Variants in ENOX2 observed in about 807,000 individuals in gnomAD.
The protein encoded by ENOX2 is ecto-NOX disulfide-thiol exchanger 2, also known as APK1 antigen.
ENOX2 carries 36 observed loss-of-function variants against 45.0 expected under a neutral mutation model. The observed-to-expected ratio is 0.80, with a 90% CI of 0.61 to 1.06. The LOEUF (loss-of-function observed/expected upper bound fraction) is 1.06, where lower values mean the gene tolerates loss of function less well. Among genes scored for constraint, ENOX2 ranks in the 50% least tolerant of loss-of-function variants. ENOX2 has a pLI of 0.00. For synonymous variants in ENOX2, 174 were observed against 152.3 expected (o/e 1.14, Z -1.05); for missense variants, 423 against 462.5 (o/e 0.91, Z 0.78).
Position 130,670,474 on chromosome X carries a change from T to C in ENOX2, c.461-276A>G, listed in dbSNP as rs2036957227. 2.7e-5 allele frequency among the ~76,000 whole-genome samples: 3 copies of C among 110,750 alleles called. No homozygotes were observed. The South Asian group carries it at 1.2e-3, about 43-fold the overall frequency. On this transcript the variant is annotated intron_variant, in intron 6 of 14. Transcript: ENST00000394363. ...GTTAGTCTTGTTCTTAAGAGTTCCA[T>C]TCCTCCATCTAATACCTTACCTCTG... is the stretch of plus-strand genomic sequence containing the variant.
At chrX:130,809,753 G>GTGTGTGTA (rs1467639690) in intron 2 of ENOX2, among the ~76,000 whole-genome samples, 1 of 110,701 alleles carries the variant, frequency 9.0e-6, no homozygotes, top group Non-Finnish European at 1.9e-5. Context: ...TCGTGTGTGT[G>GTGTGTGTA]TGTGTGTATG....
At chrX:130,709,108 C>A in intron 3 of ENOX2, 1 of 471,403 alleles carries the variant, frequency 2.1e-6, no homozygotes, top group Non-Finnish European at 3.7e-6. Context: ...TTGTTAATTC[C>A]TTGAGGCCAG....
rs375509185 is a variant in ENOX2 at position 130,631,535 on chromosome X, G to T, written c.1461C>A (p.Ser487Arg). 24 of 1,202,726 alleles carry T rather than the reference G, an allele frequency of 2.0e-5. No homozygotes were observed. Among genetic ancestry groups the T allele is most frequent in the Non-Finnish European group, 2.5e-5 (22 of 888,945 alleles). Residue 487 changes from serine to arginine, a missense_variant, in exon 13 of 15, where the codon AGC becomes AGA. Physicochemically the swap from Ser to Arg is moderately radical, Grantham distance 110. Around this residue, in one of 5 missense-constraint regions of ENOX2, gnomAD observed 108 missense variants for 70.6 expected, o/e 1.53. Transcript: ENST00000394363. ...TCATGGTCTTCTCAAGAGGGTATTC[G>T]CTATCCTGGTTTGAGGCACACAGCC... ...ASRLCASNQD[S>R]EYPLEKTMNS... is the part of the protein sequence containing the mutation.
Position 130,732,891 on chromosome X carries a change from C to T in ENOX2, c.-38-29637G>A, listed in dbSNP as rs1371030342. ...AAAAATCAACTAAAAATGAATTAGA[C>T]TTAAATGTAGGACCTGAAATGTAAA... On this transcript the variant is annotated intron_variant, in intron 3 of 14. Transcript: ENST00000394363. 3.6e-5 allele frequency among the ~76,000 whole-genome samples: 4 copies of T among 111,918 alleles called. No homozygotes were observed. In the East Asian group the frequency reaches 1.1e-3, roughly 31 times the overall value.
At chrX:130,848,390 T>G (rs991550623) in intron 2 of ENOX2, among the ~76,000 whole-genome samples, 3 of 112,139 alleles carry the variant, frequency 2.7e-5, no homozygotes, top group African/African-American at 9.7e-5. Flanking sequence ...AAATCTAGCA[T>G]GAACTTTTAA....
Position 130,900,688 on chromosome X carries a change from T to C in ENOX2, c.-183+996A>G, listed in dbSNP as rs147728362. On this transcript the variant is annotated intron_variant, in intron 2 of 14. Coordinates refer to ENST00000394363, the MANE Select transcript of ENOX2 (RefSeq NM_006375.4). ...TTCCCTGCCTGGGGCAAACTCACTA[T>C]CCTTCAAGACCTATCTCATGTCACC... Among the ~76,000 whole-genome samples, 438 of 112,179 alleles carry C rather than the reference T, an allele frequency of 3.9e-3. 1 individual carries two copies. The highest frequency in any genetic ancestry group is 0.013 in the African/African-American group (411 of 30,851).
intron 2 of ENOX2, among the ~76,000 whole-genome samples, chrX:130,868,691 C>T (rs776355551): frequency 3.6e-5 from 4 of 111,719 alleles, no homozygotes; most frequent in South Asian, 3.7e-4. Context: ...TCAGCTACCA[C>T]CTATAAACTA....
intron 2 of ENOX2, among the ~76,000 whole-genome samples, chrX:130,833,655 A>C (rs1163027380): frequency 9.0e-6 from 1 of 111,046 alleles, no homozygotes; most frequent in Non-Finnish European, 1.9e-5. Flanking sequence ...GATTCAGGGA[A>C]AGGATATCCG....
At chrX:130,879,721 T>C (rs2078772840) in intron 2 of ENOX2, among the ~76,000 whole-genome samples, 1 of 112,117 alleles carries the variant, frequency 8.9e-6, no homozygotes, top group Non-Finnish European at 1.9e-5. Context: ...CATAGTCCTA[T>C]AGCATACCTT....
intron 10 of ENOX2, among the ~76,000 whole-genome samples, chrX:130,655,228 A>G (rs2036515170): frequency 2.7e-5 from 3 of 112,588 alleles, no homozygotes; most frequent in African/African-American, 9.7e-5. Flanking sequence ...CACTGATTAC[A>G]AAGGGTTTAT....
At chrX:130,834,505 T>C (rs930727847) in intron 2 of ENOX2, among the ~76,000 whole-genome samples, 1 of 111,425 alleles carries the variant, frequency 9.0e-6, no homozygotes, top group Non-Finnish European at 1.9e-5. Context: ...GGAGGATAGC[T>C]GGGAATATAA....
intron 2 of ENOX2, among the ~76,000 whole-genome samples, chrX:130,861,473 A>G (rs761250986): frequency 9.8e-5 from 11 of 112,146 alleles, no homozygotes; most frequent in African/African-American, 3.6e-4. Context: ...TTGCAGCAAC[A>G]TGGATGAACC....
chrX:130,641,970 A>G (rs2036102770), intron 10 of ENOX2, among the ~76,000 whole-genome samples: 1 of 111,993 alleles, frequency 8.9e-6, no homozygotes, highest in East Asian at 2.8e-4. Context: ...TTGTCTTCAC[A>G]CCTATTAACA....
intron 2 of ENOX2, among the ~76,000 whole-genome samples, chrX:130,852,541 C>G (rs1424429870): frequency 9.0e-6 from 1 of 111,560 alleles, no homozygotes; most frequent in East Asian, 2.8e-4. Flanking sequence ...TCATAAAGGC[C>G]ATTCTGAAGA....
chrX:130,627,910 C>G, intron 14 of ENOX2, 48 bp downstream of exon 14: 5 of 940,397 alleles, frequency 5.3e-6, no homozygotes, highest in Non-Finnish European at 7.7e-6. Flanking sequence ...CACCTGTTAA[C>G]AAAAAATCCC....
chrX:130,767,092 A>C (rs1272162295), intron 3 of ENOX2, among the ~76,000 whole-genome samples: 1 of 111,664 alleles, frequency 9.0e-6, no homozygotes, highest in Admixed American at 9.5e-5. Flanking sequence ...GCTCTGTATT[A>C]GTTACTGGGT....
intron 3 of ENOX2, among the ~76,000 whole-genome samples, chrX:130,709,769 T>A (rs2038138780): frequency 9.2e-6 from 1 of 109,063 alleles, no homozygotes; most frequent in African/African-American, 3.4e-5. Context: ...TGATGAATAA[T>A]AGTTTTTTTT....
intron 3 of ENOX2, among the ~76,000 whole-genome samples, chrX:130,770,299 G>A (rs752060570): frequency 1.8e-5 from 2 of 111,874 alleles, no homozygotes; most frequent in African/African-American, 3.2e-5. Flanking sequence ...TTAGGAAAAC[G>A]TAATTTGACA....
At chrX:130,695,107 A>G (rs1205501271) in intron 4 of ENOX2, among the ~76,000 whole-genome samples, 1 of 111,876 alleles carries the variant, frequency 8.9e-6, no homozygotes, top group African/African-American at 3.3e-5. Flanking sequence ...CTTCCCACAA[A>G]GTCCACAGTT....
Sources: gnomAD v4.1 joint callset for allele counts (sites outside exome capture counted in the v4.1 genomes callset) on GRCh38, gnomAD v4.1.1 for gene constraint, gnomAD v4.1.1 regional missense constraint, MANE v1.5 for transcripts, NCBI Gene and HGNC (gene_info 2026-07-23, HGNC 2026-07-21) for gene names.